The following DPP6 variants were observed in gnomAD, a reference collection of about 807,000 sequenced individuals.
The protein encoded by DPP6 is dipeptidyl peptidase like 6.
A neutral mutation model predicts 122.6 loss-of-function variants in DPP6; 69 were observed. That is an observed-to-expected ratio of 0.56 (90% confidence interval 0.46 to 0.69). The LOEUF (loss-of-function observed/expected upper bound fraction) is 0.69, where lower values mean the gene tolerates loss of function less well. DPP6 is among the 30% of genes least tolerant of loss of function. DPP6 has a pLI of 0.00. For synonymous variants in DPP6, 418 were observed against 433.1 expected (o/e 0.97, Z 0.43); for missense variants, 928 against 1,116.9 (o/e 0.83, Z 2.41).
chr7:154,428,854 G>C (rs1367678740), intron 1 of DPP6, among the ~76,000 whole-genome samples: 1 of 152,140 alleles, frequency 6.6e-6, no homozygotes, highest in Non-Finnish European at 1.5e-5. Context: ...CAAGTGGGGA[G>C]AGCGGAAGGG....
chr7:154,080,999 T>C (rs1803962176), intron 1 of DPP6, among the ~76,000 whole-genome samples: 1 of 152,096 alleles, frequency 6.6e-6, no homozygotes, highest in African/African-American at 2.4e-5. Flanking sequence ...GAGATGTTTC[T>C]ACATCCATCT....
At chr7:154,327,777 C>G (rs1808578368) in intron 1 of DPP6, among the ~76,000 whole-genome samples, 1 of 152,112 alleles carries the variant, frequency 6.6e-6, no homozygotes, top group South Asian at 2.1e-4. Context: ...ATGAGCTTGT[C>G]TCTTAATTAC....
chr7:153,754,238 T>TG, the DPP6 span, among the ~76,000 whole-genome samples: 4 of 152,200 alleles, frequency 2.6e-5, no homozygotes, highest in African/African-American at 9.6e-5. Context: ...ATGCATTTTT[T>TG]TTTGTGTGTG....
chr7:154,823,152 A>ATAT (rs1554478175), intron 16 of DPP6, among the ~76,000 whole-genome samples: 1 of 152,170 alleles, frequency 6.6e-6, no homozygotes, highest in African/African-American at 2.4e-5. Flanking sequence ...TCTTTAAGAC[A>ATAT]TTATTTTTTT....
chr7:153,768,525 T>C, the DPP6 span, among the ~76,000 whole-genome samples: 1 of 152,178 alleles, frequency 6.6e-6, no homozygotes, highest in Non-Finnish European at 1.5e-5. Flanking sequence ...GCTTCAACAC[T>C]TGATGTTATC....
At chr7:154,424,237 A>G (rs1817711500) in intron 1 of DPP6, among the ~76,000 whole-genome samples, 1 of 152,258 alleles carries the variant, frequency 6.6e-6, no homozygotes, top group African/African-American at 2.4e-5. Context: ...GTGTTCAAAG[A>G]AAACCTGCTA....
chr7:154,626,626 C>T (rs774838127), intron 5 of DPP6, among the ~76,000 whole-genome samples: 36 of 152,166 alleles, frequency 2.4e-4, no homozygotes, highest in Non-Finnish European at 4.4e-5. Flanking sequence ...GAAGAAGCTA[C>T]AGGTTCAAGA....
the DPP6 span, among the ~76,000 whole-genome samples, chr7:153,853,363 A>C: frequency 6.6e-6 from 1 of 152,132 alleles, no homozygotes; most frequent in African/African-American, 2.4e-5. Flanking sequence ...ACAGTGTTAA[A>C]CTGTATTTAT....
At chr7:154,564,495 T>C (rs762808293) in intron 4 of DPP6, among the ~76,000 whole-genome samples, 9 of 152,054 alleles carry the variant, frequency 5.9e-5, no homozygotes, top group Non-Finnish European at 1.2e-4. Context: ...GTAGTGGGAG[T>C]GCACATTCCA....
At chr7:154,489,171 G>A (rs999728938) in intron 3 of DPP6, among the ~76,000 whole-genome samples, 2 of 152,046 alleles carry the variant, frequency 1.3e-5, no homozygotes, top group South Asian at 2.1e-4. Flanking sequence ...GTTGTGCTGC[G>A]GTTGCTTCTA....
chr7:154,051,813 G>A (rs1800344775), upstream of DPP6, among the ~76,000 whole-genome samples: 1 of 150,864 alleles, frequency 6.6e-6, no homozygotes. Flanking sequence ...GAGAGGCGAA[G>A]GGAAGGGGCG....
chr7:154,296,615 C>T (rs116012677), intron 1 of DPP6, among the ~76,000 whole-genome samples: 79 of 152,230 alleles, frequency 5.2e-4, no homozygotes, highest in African/African-American at 1.6e-3. Flanking sequence ...AGGTTTATGA[C>T]GAGTAAGGGA....
At chr7:154,626,295 G>C (rs999649616) in intron 5 of DPP6, among the ~76,000 whole-genome samples, 1 of 152,122 alleles carries the variant, frequency 6.6e-6, no homozygotes, top group African/African-American at 2.4e-5. Context: ...AGCTATTTCT[G>C]GATGTCACAG....
intron 3 of DPP6, among the ~76,000 whole-genome samples, chr7:154,500,290 A>C (rs12668502): frequency 0.11 from 17,010 of 152,162 alleles, 1,454 homozygotes; most frequent in East Asian, 0.37. Flanking sequence ...AAAACATTGA[A>C]TTGCACACTG....
intron 1 of DPP6, among the ~76,000 whole-genome samples, chr7:153,972,039 T>C (rs370138653): frequency 9.4e-4 from 142 of 150,834 alleles, no homozygotes; most frequent in East Asian, 5.8e-4. Context: ...ATCATTCGTG[T>C]ATTTTTCCTA....
rs1806736999 is a variant in DPP6 at position 154,892,814 on chromosome 7, G to A, written c.*334G>A. ...CCCCACGCGAGCCCACAGGACACCG[G>A]CCCCTAGATTCCAGCCACCAAGCGG... On this transcript the variant is annotated 3_prime_UTR_variant, in exon 26 of 26. Coordinates refer to ENST00000377770, the MANE Select transcript of DPP6 (RefSeq NM_130797.4). 1.8e-6 allele frequency: 1 copy of A among 567,306 alleles called. No homozygotes were observed. Among genetic ancestry groups the A allele is most frequent in the South Asian group, 1.4e-5 (1 of 72,022 alleles). The allele number at this position is 567,306 out of a possible 1,614,324, so 35.1% of individuals were successfully genotyped here. A position where few individuals can be genotyped will look rare whatever the true frequency, so the allele number is the denominator to read the frequency against.
intron 6 of DPP6, among the ~76,000 whole-genome samples, chr7:154,655,148 A>G (rs970237087): frequency 6.6e-6 from 1 of 152,176 alleles, no homozygotes; most frequent in African/African-American, 2.4e-5. Context: ...TGAGAATGCT[A>G]TTTTTTGGTG....
intron 1 of DPP6, among the ~76,000 whole-genome samples, chr7:154,233,445 C>T (rs1219693511): frequency 6.6e-6 from 1 of 152,126 alleles, no homozygotes; most frequent in East Asian, 1.9e-4. Context: ...AAGTCCTAAC[C>T]CCCGGTGACT....
intron 1 of DPP6, among the ~76,000 whole-genome samples, chr7:154,226,662 T>A (rs1800622129): frequency 6.6e-6 from 1 of 152,232 alleles, no homozygotes; most frequent in Non-Finnish European, 1.5e-5. Flanking sequence ...CGACTCTACA[T>A]GGGCATCCTC....
Sources: gnomAD v4.1 joint callset for allele counts (sites outside exome capture counted in the v4.1 genomes callset) on GRCh38, gnomAD v4.1.1 for gene constraint, MANE v1.5 for transcripts, NCBI Gene and HGNC (gene_info 2026-07-23, HGNC 2026-07-21) for gene names.